The following GLRA1 variants were observed in gnomAD, a reference collection of about 807,000 sequenced individuals.
GLRA1 encodes the protein glycine receptor subunit alpha-1.
In GLRA1, 37 loss-of-function variants were observed where a neutral mutation model predicts 48.3. The observed-to-expected ratio is 0.77, with a 90% CI of 0.59 to 1.01. The LOEUF (loss-of-function observed/expected upper bound fraction) is 1.01. Among genes scored for constraint, GLRA1 ranks in the 50% least tolerant of loss-of-function variants. The probability of loss-of-function intolerance (pLI) is 0.00; values close to 1 mark genes in which losing one functional copy is unlikely to be tolerated. For missense variants in GLRA1, 427 were observed against 571.0 expected (o/e 0.75, Z 2.57); for synonymous variants, 196 against 210.7 (o/e 0.93, Z 0.60).
chr5:151,860,414 C>A (rs1272960516), intron 3 of GLRA1, among the ~76,000 whole-genome samples: 1 of 152,084 alleles, frequency 6.6e-6, no homozygotes, highest in African/African-American at 2.4e-5. Context: ...CCCCCTTTTA[C>A]CCTCAACCCC....
intron 3 of GLRA1, among the ~76,000 whole-genome samples, chr5:151,881,485 C>T (rs1421568000): frequency 2.9e-5 from 4 of 137,940 alleles, no homozygotes. Context: ...TGCCACCATG[C>T]CCTGCAATTT....
chr5:151,848,851 G>T (rs904229461), intron 7 of GLRA1: 4 of 571,290 alleles, frequency 7.0e-6, no homozygotes, highest in African/African-American at 3.8e-5. Flanking sequence ...ACCTTTACCC[G>T]CCCGCCTGCT....
intron 3 of GLRA1, 127 bp downstream of exon 3, chr5:151,886,594 C>A: frequency 1.3e-6 from 1 of 741,496 alleles, no homozygotes; most frequent in Non-Finnish European, 2.5e-6. Context: ...TCATGGTATA[C>A]CACTGGAGAC....
intron 2 of GLRA1, among the ~76,000 whole-genome samples, chr5:151,889,196 T>A (rs1328895223): frequency 2.6e-5 from 4 of 152,274 alleles, no homozygotes; most frequent in Non-Finnish European, 4.4e-5. Context: ...AATCTGAAAT[T>A]AAATTATCTT....
intron 3 of GLRA1, among the ~76,000 whole-genome samples, chr5:151,878,452 G>A (rs1753679976): frequency 6.6e-6 from 1 of 152,224 alleles, no homozygotes; most frequent in Non-Finnish European, 1.5e-5. Flanking sequence ...GAAGCCAGCT[G>A]AAGAAATTTG....
intron 5 of GLRA1, 139 bp downstream of exon 5, chr5:151,856,162 G>A: frequency 1.5e-6 from 1 of 654,884 alleles, no homozygotes. Context: ...TAAAAGCAAA[G>A]TCCTTCATTG....
intron 1 of GLRA1, among the ~76,000 whole-genome samples, chr5:151,902,877 CCAGGTTCA>C (rs1228459260): frequency 6.6e-6 from 1 of 152,140 alleles, no homozygotes; most frequent in Non-Finnish European, 1.5e-5. Flanking sequence ...AATAATTTAT[CCAGGTTCA>C]CCTGACCTTA....
At chr5:151,903,946 G>A (rs373641008) in intron 1 of GLRA1, among the ~76,000 whole-genome samples, 5 of 152,182 alleles carry the variant, frequency 3.3e-5, no homozygotes, top group South Asian at 2.1e-4. Flanking sequence ...AAATTTTGGC[G>A]CAAGTTTTGG....
At chr5:151,917,689 A>G (rs919754471) in intron 1 of GLRA1, among the ~76,000 whole-genome samples, 1 of 152,210 alleles carries the variant, frequency 6.6e-6, no homozygotes, top group Admixed American at 6.5e-5. Context: ...CTTTTTGACA[A>G]GCCCCTCACA....
intron 8 of GLRA1, among the ~76,000 whole-genome samples, chr5:151,828,148 G>A (rs574011529): frequency 2.0e-5 from 3 of 152,254 alleles, no homozygotes; most frequent in African/African-American, 7.2e-5. Context: ...CAAGTAGAAC[G>A]TGGCATTTGC....
At chr5:151,895,631 G>C (rs1000289608) in intron 1 of GLRA1, among the ~76,000 whole-genome samples, 2 of 142,880 alleles carry the variant, frequency 1.4e-5, no homozygotes, top group Non-Finnish European at 3.0e-5. Context: ...GTGTCTGTGT[G>C]TGTGTGTGTG....
At chr5:151,902,069 G>A (rs558919134) in intron 1 of GLRA1, among the ~76,000 whole-genome samples, 2 of 152,288 alleles carry the variant, frequency 1.3e-5, no homozygotes, top group Non-Finnish European at 2.9e-5. Context: ...TTATAACTGA[G>A]AATTTTGGAG....
intron 1 of GLRA1, among the ~76,000 whole-genome samples, chr5:151,901,333 C>T (rs925021170): frequency 9.9e-5 from 15 of 152,256 alleles, no homozygotes; most frequent in African/African-American, 2.9e-4. Context: ...TCTGGTCCTA[C>T]GGTGAAAGAA....
At position 151,886,719 on chromosome 5, in the gene GLRA1, A is replaced by T; in HGVS notation, c.252+2T>A. The T allele has an allele frequency of 1.2e-6, 2 of 1,602,628 alleles. No homozygotes were observed. Among genetic ancestry groups the T allele is most frequent in the Non-Finnish European group, 8.6e-7 (1 of 1,169,580 alleles). On this transcript the variant is annotated splice_donor_variant, in intron 3 of 8. Coordinates refer to ENST00000274576, the MANE Select transcript of GLRA1 (RefSeq NM_000171.4). LOFTEE classifies it high-confidence loss of function. Reference sequence around the variant, plus strand: ...TAACAGCTTGTGTTTTGACTTACTCACCATGGTTGTCTCAGCAATGGAACC... The same window carrying T: ...TAACAGCTTGTGTTTTGACTTACTCTCCATGGTTGTCTCAGCAATGGAACC...
At chr5:151,911,345 A>G (rs1050060490) in intron 1 of GLRA1, among the ~76,000 whole-genome samples, 45 of 152,136 alleles carry the variant, frequency 3.0e-4, no homozygotes, top group African/African-American at 1.1e-3. Context: ...CTTTGCACCT[A>G]TCCTACTTTA....
chr5:151,845,663 T>C (rs941161827), intron 7 of GLRA1, among the ~76,000 whole-genome samples: 6 of 152,198 alleles, frequency 3.9e-5, no homozygotes, highest in Non-Finnish European at 5.9e-5. Context: ...TGGCAGTTCC[T>C]CAAAAAGTTA....
intron 1 of GLRA1, among the ~76,000 whole-genome samples, chr5:151,899,064 G>GATGAGAA (rs1754299732): frequency 1.3e-5 from 2 of 152,288 alleles, no homozygotes; most frequent in African/African-American, 4.8e-5. Context: ...AATGGGAAAT[G>GATGAGAA]ATGAGAAATG....
At chr5:151,847,301 A>T (rs1561553366) in intron 7 of GLRA1, among the ~76,000 whole-genome samples, 1 of 152,242 alleles carries the variant, frequency 6.6e-6, no homozygotes, top group African/African-American at 2.4e-5. Flanking sequence ...AGAATGCAGC[A>T]TGTAGCATTA....
chr5:151,914,196 G>A (rs958017311), intron 1 of GLRA1, among the ~76,000 whole-genome samples: 2 of 152,178 alleles, frequency 1.3e-5, no homozygotes, highest in Non-Finnish European at 2.9e-5. Flanking sequence ...ACATTGGAAA[G>A]TGTCTCTGGT....
Sources: gnomAD v4.1 joint callset for allele counts (sites outside exome capture counted in the v4.1 genomes callset) on GRCh38, gnomAD v4.1.1 for gene constraint, MANE v1.5 for transcripts, NCBI Gene and HGNC (gene_info 2026-07-23, HGNC 2026-07-21) for gene names.